MEI4: variants seen among roughly 807,000 people sequenced by gnomAD.
MEI4 encodes meiosis-specific protein MEI4.
MEI4 carries 27 observed loss-of-function variants against 31.4 expected under a neutral mutation model. The ratio of observed to expected loss-of-function variants is 0.86; its 90% CI spans 0.63 to 1.19. The LOEUF (loss-of-function observed/expected upper bound fraction) is 1.19, where lower values mean the gene tolerates loss of function less well. Ranked by LOEUF, MEI4 falls within the 50% of genes most tolerant of loss-of-function variation. The pLI is 0.00. For synonymous variants in MEI4, 122 were observed against 145.4 expected (o/e 0.84, Z 1.16); for missense variants, 329 against 398.9 (o/e 0.82, Z 1.49).
At chr6:77,703,430 A>C (rs937412135) in intron 2 of MEI4, among the ~76,000 whole-genome samples, 2 of 152,234 alleles carry the variant, frequency 1.3e-5, no homozygotes, top group African/African-American at 2.4e-5. Context: ...GCTTCTTATC[A>C]GTGCAACAAA....
intron 3 of MEI4, among the ~76,000 whole-genome samples, chr6:77,815,606 T>C (rs984825100): frequency 6.6e-6 from 1 of 152,100 alleles, no homozygotes; most frequent in African/African-American, 2.4e-5. Flanking sequence ...CATTCACTTG[T>C]TCATTTGCCA....
intron 4 of MEI4, among the ~76,000 whole-genome samples, chr6:77,865,066 G>A (rs2127722750): frequency 6.6e-6 from 1 of 152,100 alleles, no homozygotes; most frequent in Middle Eastern, 3.4e-3. Flanking sequence ...AGAATCTCTA[G>A]GACACATTCA....
At chr6:77,734,062 T>G (rs11752774) in intron 2 of MEI4, among the ~76,000 whole-genome samples, 20,979 of 152,002 alleles carry the variant, frequency 0.14, 1,577 homozygotes, top group Middle Eastern at 0.21. Context: ...GTGGTCAGTT[T>G]TGGAATAGGT....
At chr6:77,873,407 G>C (rs1771247699) in intron 4 of MEI4, among the ~76,000 whole-genome samples, 1 of 152,276 alleles carries the variant, frequency 6.6e-6, no homozygotes, top group South Asian at 2.1e-4. Flanking sequence ...GTCTTCTTTT[G>C]AGAAGTGTCT....
intron 4 of MEI4, among the ~76,000 whole-genome samples, chr6:77,898,547 T>C (rs1400984231): frequency 6.6e-6 from 1 of 152,064 alleles, no homozygotes; most frequent in Non-Finnish European, 1.5e-5. Flanking sequence ...TTCTAAATAT[T>C]TTCTTTCACT....
intron 4 of MEI4, among the ~76,000 whole-genome samples, chr6:77,876,155 G>A (rs1562022343): frequency 1.3e-5 from 2 of 152,126 alleles, no homozygotes; most frequent in Non-Finnish European, 2.9e-5. Context: ...CTATATGATA[G>A]ATTTTCATAT....
At chr6:77,694,137 T>A (rs1389222668) in intron 2 of MEI4, among the ~76,000 whole-genome samples, 1 of 152,098 alleles carries the variant, frequency 6.6e-6, no homozygotes, top group Non-Finnish European at 1.5e-5. Flanking sequence ...AAGGTTTTAT[T>A]ATAAACACAT....
intron 2 of MEI4, among the ~76,000 whole-genome samples, chr6:77,697,541 A>G (rs962388524): frequency 2.6e-5 from 4 of 152,236 alleles, no homozygotes; most frequent in Admixed American, 6.5e-5. Context: ...AGTCATTCAG[A>G]AGCATGTTGT....
intron 3 of MEI4, among the ~76,000 whole-genome samples, chr6:77,810,129 A>G (rs1769540689): frequency 6.6e-6 from 1 of 152,190 alleles, no homozygotes; most frequent in Admixed American, 6.5e-5. Context: ...GTTGCCCACC[A>G]TCAGATGTGG....
At chr6:77,804,530 C>T (rs140384243) in intron 3 of MEI4, among the ~76,000 whole-genome samples, 7 of 152,294 alleles carry the variant, frequency 4.6e-5, no homozygotes, top group South Asian at 2.1e-4. Flanking sequence ...AGAAATCACC[C>T]GTCTTCTATT....
chr6:77,663,459 G>A (rs1768553795), intron 1 of MEI4, among the ~76,000 whole-genome samples: 1 of 152,066 alleles, frequency 6.6e-6, no homozygotes, highest in Admixed American at 6.6e-5. Context: ...AAGAAGGGCG[G>A]CAATGAGATA....
At position 77,696,873 on chromosome 6, in the gene MEI4, C is replaced by T. The variant is rs564868274; in HGVS notation, c.232+5970C>T. Reference sequence around the variant, plus strand: ...TCCTCCTAGTACCTCTGGTAGAATTCGGCTGTGAATCCATCTGGTCCTGGA... The same window carrying T: ...TCCTCCTAGTACCTCTGGTAGAATTTGGCTGTGAATCCATCTGGTCCTGGA... On this transcript the variant is annotated intron_variant, in intron 2 of 4. Transcript: ENST00000684080. 5.5e-4 allele frequency among the ~76,000 whole-genome samples: 84 copies of T among 152,266 alleles called. 1 individual carries two copies. Among genetic ancestry groups the T allele is most frequent in the Non-Finnish European group, 6.3e-4 (43 of 68,020 alleles).
intron 1 of MEI4, among the ~76,000 whole-genome samples, chr6:77,653,449 C>T (rs1768334037): frequency 1.3e-5 from 2 of 152,102 alleles, no homozygotes; most frequent in Admixed American, 1.3e-4. Context: ...AATTTTGATG[C>T]TCTCTGGGTC....
At chr6:77,685,034 A>G (rs1769027023) in intron 1 of MEI4, among the ~76,000 whole-genome samples, 3 of 152,120 alleles carry the variant, frequency 2.0e-5, no homozygotes, top group Admixed American at 2.0e-4. Flanking sequence ...TCTTTTGGAT[A>G]TAAGCCCTTT....
intron 2 of MEI4, among the ~76,000 whole-genome samples, chr6:77,714,623 G>A (rs985376540): frequency 1.3e-5 from 2 of 152,144 alleles, no homozygotes; most frequent in African/African-American, 4.8e-5. Context: ...ATGGATTTAC[G>A]TGATTTAGGA....
intron 1 of MEI4, among the ~76,000 whole-genome samples, chr6:77,689,884 A>G (rs1032875455): frequency 3.9e-5 from 6 of 152,038 alleles, no homozygotes; most frequent in Admixed American, 2.0e-4. Flanking sequence ...TGATAATCTA[A>G]TAAAGCCTGG....
chr6:77,871,512 A>G (rs1394949706), intron 4 of MEI4, among the ~76,000 whole-genome samples: 2 of 152,110 alleles, frequency 1.3e-5, no homozygotes, highest in Admixed American at 1.3e-4. Flanking sequence ...ACCTGGACAT[A>G]CAGATGGGAA....
chr6:77,871,060 G>A (rs1418823844), intron 4 of MEI4, among the ~76,000 whole-genome samples: 1 of 152,058 alleles, frequency 6.6e-6, no homozygotes, highest in Admixed American at 6.6e-5. Flanking sequence ...CCATGAATTG[G>A]ATTCCTTAAC....
chr6:77,776,885 A>G (rs1418767196), intron 3 of MEI4, among the ~76,000 whole-genome samples: 2 of 152,212 alleles, frequency 1.3e-5, no homozygotes, highest in Non-Finnish European at 2.9e-5. Context: ...TTAAAACTTT[A>G]CTTTGAATAG....
Sources: gnomAD v4.1 joint callset for allele counts (sites outside exome capture counted in the v4.1 genomes callset) on GRCh38, gnomAD v4.1.1 for gene constraint, MANE v1.5 for transcripts, NCBI Gene and HGNC (gene_info 2026-07-23, HGNC 2026-07-21) for gene names.